ABCA13: variants seen among roughly 807,000 people sequenced by gnomAD.
ABCA13 encodes the protein ATP-binding cassette sub-family A member 13.
Under a neutral mutation model 478.7 loss-of-function variants are expected in ABCA13, and 476 were observed. The observed-to-expected ratio is 0.99, with a 90% CI of 0.92 to 1.07. The LOEUF (loss-of-function observed/expected upper bound fraction) is 1.07, where lower values mean the gene tolerates loss of function less well. Among genes scored for constraint, ABCA13 ranks in the 50% least tolerant of loss-of-function variants. ABCA13 has a pLI of 0.00. For synonymous variants in ABCA13, 2,252 were observed against 2,158.9 expected (o/e 1.04, Z -1.20); for missense variants, 6,060 against 5,910.6 (o/e 1.03, Z -0.83).
Position 48,273,996 on chromosome 7 carries a change from A to G in ABCA13, c.4330A>G (p.Ile1444Val), listed in dbSNP as rs191538408. The G allele has an allele frequency of 5.0e-6, 8 of 1,608,710 alleles. No individual in the cohort carries two copies. In the African/African-American group the frequency reaches 5.3e-5, roughly 11 times the overall value. Reference protein sequence around the residue: ...ILKIVTWVLNIKKPLCSSNGS... With the variant: ...ILKIVTWVLNVKKPLCSSNGS... ...AAAAATTGTAACTTGGGTGTTAAAT[A>G]TAAAAAAACCTCTTTGTTCATCAAA... The change falls in exon 17 of 62, where the codon ATA becomes GTA. Residue 1444 changes from isoleucine to valine, a missense_variant. Physicochemically the swap from Ile to Val is conservative, Grantham distance 29 (BLOSUM62 3). Around this residue, in one of 3 missense-constraint regions of ABCA13, gnomAD observed 4,423 missense variants for 4,309.1 expected, o/e 1.03. Coordinates refer to ENST00000435803, the MANE Select transcript of ABCA13 (RefSeq NM_152701.5).
At chr7:48,400,419 C>A (rs1032378193) in intron 38 of ABCA13, among the ~76,000 whole-genome samples, 4 of 152,184 alleles carry the variant, frequency 2.6e-5, no homozygotes, top group Non-Finnish European at 5.9e-5. Flanking sequence ...ATCTTTTCCT[C>A]CTTTCCCTGC....
chr7:48,600,562 A>G (rs1024343424), intron 58 of ABCA13, among the ~76,000 whole-genome samples: 2 of 151,654 alleles, frequency 1.3e-5, no homozygotes, highest in Non-Finnish European at 2.9e-5. Context: ...TGTTTTATCT[A>G]TTTTTTTTAG....
chr7:48,469,894 T>C (rs1443407883), intron 44 of ABCA13, among the ~76,000 whole-genome samples: 1 of 148,728 alleles, frequency 6.7e-6, no homozygotes, highest in Non-Finnish European at 1.5e-5. Flanking sequence ...CATTCCAGCC[T>C]GGGCAACAGG....
intron 58 of ABCA13, among the ~76,000 whole-genome samples, chr7:48,610,399 C>T (rs1029878759): frequency 6.6e-6 from 1 of 152,164 alleles, no homozygotes; most frequent in African/African-American, 2.4e-5. Flanking sequence ...CTGTGGGGCT[C>T]GGCTCCCAAG....
intron 43 of ABCA13, among the ~76,000 whole-genome samples, chr7:48,455,851 A>C (rs1825610621): frequency 6.6e-6 from 1 of 152,206 alleles, no homozygotes; most frequent in African/African-American, 2.4e-5. Context: ...TTTGCCACCA[A>C]ATGAATTTAC....
At chr7:48,347,382 C>T (rs971531956) in intron 29 of ABCA13, among the ~76,000 whole-genome samples, 19 of 152,314 alleles carry the variant, frequency 1.2e-4, no homozygotes, top group African/African-American at 4.6e-4. Context: ...CTTCTTCTCG[C>T]ACACCCTTGT....
At chr7:48,527,937 G>T (rs17132439) in intron 54 of ABCA13, among the ~76,000 whole-genome samples, 21,040 of 152,050 alleles carry the variant, frequency 0.14, 1,819 homozygotes, top group African/African-American at 0.23. Flanking sequence ...GGGGGTAGTT[G>T]GCATTTACTT....
chr7:48,341,513 A>T (rs1807158155), intron 29 of ABCA13, among the ~76,000 whole-genome samples: 1 of 152,284 alleles, frequency 6.6e-6, no homozygotes, highest in African/African-American at 2.4e-5. Flanking sequence ...TTTACTCAGT[A>T]AAGTAAAATT....
At chr7:48,392,859 T>A (rs1395976673) in intron 38 of ABCA13, among the ~76,000 whole-genome samples, 1 of 152,204 alleles carries the variant, frequency 6.6e-6, no homozygotes, top group African/African-American at 2.4e-5. Flanking sequence ...GTTGACTAAC[T>A]GGTTGCACAA....
intron 54 of ABCA13, among the ~76,000 whole-genome samples, chr7:48,527,627 C>A (rs1463781218): frequency 6.6e-6 from 1 of 152,156 alleles, no homozygotes; most frequent in African/African-American, 2.4e-5. Flanking sequence ...TGACTCTATG[C>A]TCAATGTCAG....
intron 55 of ABCA13, among the ~76,000 whole-genome samples, chr7:48,568,355 A>G (rs1787286272): frequency 6.6e-6 from 1 of 152,072 alleles, no homozygotes; most frequent in Non-Finnish European, 1.5e-5. Context: ...TCTGAGTTTA[A>G]TGAGATGTGT....
Position 48,632,464 on chromosome 7 carries a change from T to C in ABCA13, c.14838-10824T>C, listed in dbSNP as rs1228246364. Among the ~76,000 whole-genome samples, 6 of 152,356 alleles carry C rather than the reference T, an allele frequency of 3.9e-5. No homozygotes were observed. In the East Asian group the frequency reaches 1.2e-3, roughly 29 times the overall value. Reference sequence around the variant, plus strand: ...TTTCTTTTGTTGTTTGTGGTTTTCGTGTCATATCCAAGGATTCATTGCCAA... The same window carrying C: ...TTTCTTTTGTTGTTTGTGGTTTTCGCGTCATATCCAAGGATTCATTGCCAA... On this transcript the variant is annotated intron_variant, in intron 59 of 61. Coordinates refer to ENST00000435803, the MANE Select transcript of ABCA13 (RefSeq NM_152701.5).
chr7:48,564,121 AC>A (rs1262156690), intron 55 of ABCA13, among the ~76,000 whole-genome samples: 32 of 152,156 alleles, frequency 2.1e-4, no homozygotes, highest in African/African-American at 7.5e-4. Context: ...TAGAAGTGAG[AC>A]TTGGACCCAC....
chr7:48,468,884 T>C (rs903831213), intron 44 of ABCA13, among the ~76,000 whole-genome samples: 1 of 152,248 alleles, frequency 6.6e-6, no homozygotes, highest in African/African-American at 2.4e-5. Context: ...CACTGTTGTC[T>C]AAATCCGATC....
In ABCA13 at chr7:48,389,051, C is replaced by T. The variant is rs1045569549; in HGVS notation, c.11485C>T (p.Gln3829Ter). The part of the protein sequence containing the change: ...ENFDNKGSSL[Q>*]NREGELEGSA... ...CATCTCTCTCACAGGGTCATCACTG[C>T]AAAACAGGGAAGGAGAGCTTGAAGG... The change falls in exon 37 of 62, where the codon CAA (glutamine) becomes TAA (stop). Residue 3829 changes from glutamine to a stop codon, truncating the protein, a stop_gained. Transcript: ENST00000435803. LOFTEE classifies it high-confidence loss of function. 5.0e-6 allele frequency: 8 copies of T among 1,613,612 alleles called. No homozygotes were observed. Among genetic ancestry groups the T allele is most frequent in the Non-Finnish European group, 5.9e-6 (7 of 1,179,762 alleles).
At chr7:48,565,749 CAAGCTGTCATGGAGTGTATGCTCCCTG>C (rs1786990110) in intron 55 of ABCA13, among the ~76,000 whole-genome samples, 2 of 152,300 alleles carry the variant, frequency 1.3e-5, no homozygotes, top group African/African-American at 4.8e-5. Flanking sequence ...AAAACAATGT[CAAGCTGTCATGGAGTGTATGCTCCCTG>C]AAGCTGTCTT....
At chr7:48,307,908 T>C (rs1274618785) in intron 23 of ABCA13, among the ~76,000 whole-genome samples, 2 of 152,264 alleles carry the variant, frequency 1.3e-5, no homozygotes, top group East Asian at 1.9e-4. Context: ...GGTCTCAAAC[T>C]CCTGACCTCA....
At chr7:48,331,991 T>C (rs1805479058) in intron 27 of ABCA13, among the ~76,000 whole-genome samples, 1 of 152,242 alleles carries the variant, frequency 6.6e-6, no homozygotes, top group Non-Finnish European at 1.5e-5. Context: ...CATGGAATTA[T>C]ACAGCATGTA....
rs758371149 is a variant in ABCA13, at chr7:48,249,303, G to A, written c.1957G>A (p.Val653Met). 3.1e-6 allele frequency: 5 copies of A among 1,613,258 alleles called. No homozygotes were observed. The highest frequency in any genetic ancestry group is 4.2e-6 in the Non-Finnish European group (5 of 1,179,512). Residue 653 changes from valine to methionine, a missense_variant, in exon 15 of 62, where the codon GTG (valine) becomes ATG (methionine). This residue lies in a region of ABCA13 where 4,423 missense variants were observed against 4,309.1 expected (regional missense o/e 1.03). Coordinates refer to ENST00000435803, the MANE Select transcript of ABCA13 (RefSeq NM_152701.5). ...AAAGTTTATCAGGAAGACTTGCGAA[G>A]TGGCCCAATATGTAAATATGCAAGA... is the stretch of plus-strand genomic sequence containing the variant. ...FKKFIRKTCE[V>M]AQYVNMQESF...
Sources: allele counts gnomAD v4.1 joint callset (sites outside exome capture counted in the v4.1 genomes callset), GRCh38; gene constraint gnomAD v4.1.1; regional missense constraint gnomAD v4.1.1; transcripts MANE v1.5; gene names NCBI Gene and HGNC (gene_info 2026-07-23, HGNC 2026-07-21).